The following MGAT4C variants were observed in gnomAD, a reference collection of about 807,000 sequenced individuals.
MGAT4C encodes alpha-1,3-mannosyl-glycoprotein 4-beta-N-acetylglucosaminyltransferase C.
A neutral mutation model predicts 40.1 loss-of-function variants in MGAT4C; 19 were observed. The ratio of observed to expected loss-of-function variants is 0.47; its 90% CI spans 0.33 to 0.70. MGAT4C has a LOEUF of 0.70. MGAT4C is among the 30% of genes least tolerant of loss of function. The probability of loss-of-function intolerance (pLI) is 0.02; values close to 1 mark genes in which losing one functional copy is unlikely to be tolerated. For synonymous variants in MGAT4C, 181 were observed against 187.1 expected (o/e 0.97, Z 0.27); for missense variants, 491 against 563.2 (o/e 0.87, Z 1.30).
At chr12:86,734,710 G>C (rs1950958989) in intron 1 of MGAT4C, among the ~76,000 whole-genome samples, 1 of 152,004 alleles carries the variant, frequency 6.6e-6, no homozygotes, top group Admixed American at 6.6e-5. Flanking sequence ...AGATCTGTCA[G>C]AGCCTTGATC....
intron 4 of MGAT4C, among the ~76,000 whole-genome samples, chr12:86,319,070 G>A (rs1954313065): frequency 6.6e-6 from 1 of 152,038 alleles, no homozygotes; most frequent in South Asian, 2.1e-4. Flanking sequence ...AAGACTCAGG[G>A]AAAATGTTTC....
At chr12:86,035,938 A>C (rs543685669) in intron 2 of MGAT4C, among the ~76,000 whole-genome samples, 7 of 149,730 alleles carry the variant, frequency 4.7e-5, no homozygotes, top group African/African-American at 1.7e-4. Flanking sequence ...TGGTCTATAT[A>C]TCTTTTTGGT....
intron 2 of MGAT4C, among the ~76,000 whole-genome samples, chr12:86,021,616 A>G (rs1889742439): frequency 6.6e-6 from 1 of 150,738 alleles, no homozygotes; most frequent in African/African-American, 2.4e-5. Context: ...GAGGGATAGC[A>G]TTAGGAGATA....
At chr12:86,357,883 G>T (rs1955353937) in intron 3 of MGAT4C, among the ~76,000 whole-genome samples, 1 of 152,134 alleles carries the variant, frequency 6.6e-6, no homozygotes, top group African/African-American at 2.4e-5. Context: ...GGGGAGAATG[G>T]AACCAAGTTG....
intron 2 of MGAT4C, among the ~76,000 whole-genome samples, chr12:86,702,908 C>T (rs1215431923): frequency 6.6e-6 from 1 of 152,102 alleles, no homozygotes; most frequent in Non-Finnish European, 1.5e-5. Context: ...ATATTGAAAA[C>T]CTTCTAGAAA....
intron 1 of MGAT4C, among the ~76,000 whole-genome samples, chr12:86,196,551 T>G (rs1255241002): frequency 1.3e-5 from 2 of 152,266 alleles, no homozygotes; most frequent in Non-Finnish European, 2.9e-5. Context: ...TGAATCACTT[T>G]CAGGGCTGTT....
chr12:86,166,422 A>G lies in MGAT4C; in HGVS notation c.-57+89817T>C, dbSNP rs539956780. ...TGCGGTGGCTCACGCCTTTAATCTC[A>G]GCAGCTTGGGAGGCCAAGGCGGGCA... On this transcript the variant is annotated intron_variant, in intron 1 of 4. Transcript: ENST00000611864. Among the ~76,000 whole-genome samples, 4 of 152,354 alleles carry G rather than the reference A, an allele frequency of 2.6e-5. No homozygotes were observed. The East Asian group carries it at 7.7e-4, about 29-fold the overall frequency.
chr12:86,638,987 T>A (rs1177301048), intron 2 of MGAT4C, among the ~76,000 whole-genome samples: 4 of 151,806 alleles, frequency 2.6e-5, no homozygotes, highest in African/African-American at 9.7e-5. Context: ...AATGTCATTT[T>A]AAAAAATAAT....
At chr12:86,093,592 G>A (rs939170749) in intron 1 of MGAT4C, among the ~76,000 whole-genome samples, 4 of 152,000 alleles carry the variant, frequency 2.6e-5, no homozygotes, top group African/African-American at 9.7e-5. Flanking sequence ...GCTGGGTGTG[G>A]TGGTACTCGC....
chr12:86,655,989 G>A (rs1963839609), intron 2 of MGAT4C, among the ~76,000 whole-genome samples: 1 of 151,970 alleles, frequency 6.6e-6, no homozygotes, highest in Admixed American at 6.6e-5. Context: ...GATGGGACAG[G>A]CAAATCATTA....
At chr12:86,032,064 TCTCCATCTGTGTTG>T (rs1192891731) in intron 2 of MGAT4C, among the ~76,000 whole-genome samples, 1 of 151,884 alleles carries the variant, frequency 6.6e-6, no homozygotes, top group African/African-American at 2.4e-5. Flanking sequence ...ATGGCCTCCA[TCTCCATCTGTGTTG>T]CTGCAAAGGA....
chr12:86,181,912 A>G lies in MGAT4C; in HGVS notation c.-57+74327T>C, dbSNP rs996619195. Among the ~76,000 whole-genome samples, 4 of 152,044 alleles carry G rather than the reference A, an allele frequency of 2.6e-5. No homozygotes were observed. The East Asian group carries it at 7.7e-4, about 29-fold the overall frequency. Reference sequence around the variant, plus strand: ...TCCAATAATACTTTAATATTATTTTATATCAGTTATATTCTCATAATTGAG... The same window carrying G: ...TCCAATAATACTTTAATATTATTTTGTATCAGTTATATTCTCATAATTGAG... On this transcript the variant is annotated intron_variant, in intron 1 of 4. Coordinates refer to ENST00000611864, the MANE Select transcript of MGAT4C (RefSeq NM_001351288.2).
At chr12:86,398,096 C>A (rs1035419322) in intron 3 of MGAT4C, among the ~76,000 whole-genome samples, 3 of 152,152 alleles carry the variant, frequency 2.0e-5, no homozygotes, top group Non-Finnish European at 2.9e-5. Context: ...TTTCCTGATG[C>A]CACTATAACA....
chr12:86,520,413 A>G (rs1321139585), intron 2 of MGAT4C, among the ~76,000 whole-genome samples: 2 of 152,030 alleles, frequency 1.3e-5, no homozygotes, highest in African/African-American at 4.8e-5. Context: ...ATTCTTTTTT[A>G]TGGCTGCATA....
intron 3 of MGAT4C, among the ~76,000 whole-genome samples, chr12:86,405,958 TTATATTATACATATATA>T (rs1956461535): frequency 1.2e-4 from 4 of 33,520 alleles, no homozygotes; most frequent in Non-Finnish European, 1.7e-4. Flanking sequence ...ATGTATGTAT[TTATATTATACATATATA>T]TATATATACA....
chr12:86,058,012 C>T (rs1188990121), intron 1 of MGAT4C, among the ~76,000 whole-genome samples: 1 of 152,052 alleles, frequency 6.6e-6, no homozygotes, highest in Non-Finnish European at 1.5e-5. Flanking sequence ...TACATTACCA[C>T]ACTTCTTTGC....
intron 2 of MGAT4C, among the ~76,000 whole-genome samples, chr12:86,540,577 A>T (rs1959158154): frequency 6.6e-6 from 1 of 152,128 alleles, no homozygotes; most frequent in African/African-American, 2.4e-5. Context: ...CTCTACTAAA[A>T]ATACAAAAAT....
At chr12:86,454,824 A>G (rs1565774269) in intron 2 of MGAT4C, among the ~76,000 whole-genome samples, 1 of 152,086 alleles carries the variant, frequency 6.6e-6, no homozygotes, top group Non-Finnish European at 1.5e-5. Context: ...AGACATTCAT[A>G]TGAAATCTGT....
intron 1 of MGAT4C, among the ~76,000 whole-genome samples, chr12:86,215,426 T>C (rs1354557151): frequency 1.3e-5 from 2 of 152,194 alleles, no homozygotes; most frequent in African/African-American, 2.4e-5. Flanking sequence ...AAACTGCAAC[T>C]TAATTTAGTA....
Sources: gnomAD v4.1 joint callset for allele counts (sites outside exome capture counted in the v4.1 genomes callset) on GRCh38, gnomAD v4.1.1 for gene constraint, MANE v1.5 for transcripts, NCBI Gene and HGNC (gene_info 2026-07-23, HGNC 2026-07-21) for gene names.